MAP4: variants seen among roughly 807,000 people sequenced by gnomAD.
The protein encoded by MAP4 is microtubule-associated protein 4.
In MAP4, 76 loss-of-function variants were observed where a neutral mutation model predicts 170.2. The ratio of observed to expected loss-of-function variants is 0.45; its 90% CI spans 0.37 to 0.54. The LOEUF (loss-of-function observed/expected upper bound fraction) is 0.54. Among genes scored for constraint, MAP4 ranks in the 20% least tolerant of loss-of-function variants. The pLI, the probability that MAP4 is intolerant of heterozygous loss-of-function variation, is 0.00. For synonymous variants in MAP4, 909 were observed against 994.5 expected, an observed-to-expected ratio of 0.91 and a Z score of 1.62; for missense variants, 2,506 against 2,748.0, an observed-to-expected ratio of 0.91 and a Z score of 1.97.
Position 47,916,357 on chromosome 3 carries a change from C to T in MAP4, c.1470G>A (p.Lys490=), listed in dbSNP as rs751519146. Residue 490 remains lysine (K), a synonymous_variant, in exon 7 of 21, where the codon AAG becomes AAA. Coordinates refer to ENST00000683076, the MANE Select transcript of MAP4 (RefSeq NM_001385682.1). ...QLPETEIAPA[K]DVAPSTVKEV... ...CTTTTACTGTGGACGGAGCCACATCCTTGGCCGGGGCTATTTCTGTTTCTG... is the reference window on the plus strand; with the variant it reads ...CTTTTACTGTGGACGGAGCCACATCTTTGGCCGGGGCTATTTCTGTTTCTG... 6.2e-7 allele frequency: 1 copy of T among 1,614,270 alleles called. No homozygotes were observed. The highest frequency in any genetic ancestry group is 1.1e-5 in the South Asian group (1 of 91,086).
chr3:47,936,935 G>A (rs1364273250), intron 3 of MAP4, among the ~76,000 whole-genome samples: 3 of 149,004 alleles, frequency 2.0e-5, no homozygotes, highest in East Asian at 2.0e-4. Flanking sequence ...AGCCAAGATC[G>A]CGCCACTGCA....
intron 17 of MAP4, 144 bp from the exon 18 acceptor site, chr3:47,857,656 C>A: frequency 1.6e-6 from 1 of 643,374 alleles, no homozygotes; most frequent in South Asian, 1.8e-5. Context: ...AAGACAAGGT[C>A]ATCTCCCTAA....
chr3:48,059,997 A>ATC (rs1420123203), intron 1 of MAP4, among the ~76,000 whole-genome samples: 1 of 151,896 alleles, frequency 6.6e-6, no homozygotes, highest in African/African-American at 2.4e-5. Flanking sequence ...ACTTTTGAAC[A>ATC]TCTCTCTCTT....
chr3:47,899,527 TA>T (rs2100028911), intron 10 of MAP4, among the ~76,000 whole-genome samples: 1 of 152,228 alleles, frequency 6.6e-6, no homozygotes, highest in Non-Finnish European at 1.5e-5. Flanking sequence ...CATAATACTC[TA>T]TCTCTTTTTA....
chr3:47,914,465 G>A (rs1490385317), intron 8 of MAP4, among the ~76,000 whole-genome samples: 10 of 151,198 alleles, frequency 6.6e-5, no homozygotes, highest in East Asian at 1.9e-4. Context: ...CAGGAGAATC[G>A]CTTGAACCCA....
At chr3:48,073,673 T>G (rs369266441) in intron 1 of MAP4, among the ~76,000 whole-genome samples, 3 of 149,906 alleles carry the variant, frequency 2.0e-5, no homozygotes, top group East Asian at 3.9e-4. Flanking sequence ...TCTATAAAAA[T>G]CTTTTATTTC....
intron 1 of MAP4, among the ~76,000 whole-genome samples, chr3:48,005,749 C>G (rs1258350693): frequency 1.3e-5 from 2 of 152,196 alleles, no homozygotes; most frequent in Non-Finnish European, 2.9e-5. Flanking sequence ...ATACCCTTGA[C>G]CAATGCCTTG....
intron 1 of MAP4, among the ~76,000 whole-genome samples, chr3:48,065,621 G>C (rs1489484168): frequency 6.6e-6 from 1 of 152,166 alleles, no homozygotes; most frequent in East Asian, 1.9e-4. Context: ...CAAATCAAAA[G>C]AATAAAAAAT....
At chr3:47,975,440 C>A in intron 3 of MAP4, 2 of 1,568,440 alleles carry the variant, frequency 1.3e-6, no homozygotes, top group East Asian at 2.4e-5. Flanking sequence ...TGCAGCAGCC[C>A]CAGTGTTGAG....
At chr3:47,904,226 T>C (rs2153411196) in intron 9 of MAP4, among the ~76,000 whole-genome samples, 1 of 152,248 alleles carries the variant, frequency 6.6e-6, no homozygotes, top group African/African-American at 2.4e-5. Context: ...TCTTTAATAG[T>C]GTTATTTTAT....
chr3:47,917,604 A>G (rs1438286179), intron 6 of MAP4, among the ~76,000 whole-genome samples: 4 of 147,260 alleles, frequency 2.7e-5, no homozygotes, highest in African/African-American at 1.0e-4. Context: ...AAAAAAAAAA[A>G]GAAGAAGAAG....
At chr3:47,897,434 CT>C (rs907613576) in intron 10 of MAP4, among the ~76,000 whole-genome samples, 8 of 151,974 alleles carry the variant, frequency 5.3e-5, no homozygotes, top group African/African-American at 1.9e-4. Context: ...CCCAATGTAT[CT>C]TTTTTGTGAT....
chr3:48,059,374 G>A (rs1240801742), intron 1 of MAP4, among the ~76,000 whole-genome samples: 1 of 151,234 alleles, frequency 6.6e-6, no homozygotes, highest in Non-Finnish European at 1.5e-5. Context: ...AATTAGCCAG[G>A]CATGGTGGCG....
At chr3:47,914,707 C>T (rs2100037677) in intron 8 of MAP4, 110 bp downstream of exon 8, 2 of 1,286,230 alleles carry the variant, frequency 1.6e-6, no homozygotes, top group Non-Finnish European at 1.1e-6. Context: ...ACTTCATAAA[C>T]TATACTGCTG....
At chr3:47,924,489 A>C (rs1325507664) in intron 4 of MAP4, among the ~76,000 whole-genome samples, 5 of 151,918 alleles carry the variant, frequency 3.3e-5, no homozygotes, top group African/African-American at 1.2e-4. Flanking sequence ...TTTGCAAAAA[A>C]CCTTGGAGTC....
chr3:48,044,758 G>A (rs1034392754), intron 1 of MAP4, among the ~76,000 whole-genome samples: 1 of 151,592 alleles, frequency 6.6e-6, no homozygotes, highest in Non-Finnish European at 1.5e-5. Context: ...GTGACACAGT[G>A]AGACTCCATC....
At chr3:48,061,869 C>A (rs977391530) in intron 1 of MAP4, among the ~76,000 whole-genome samples, 2 of 146,546 alleles carry the variant, frequency 1.4e-5, no homozygotes, top group Non-Finnish European at 1.5e-5. Context: ...CCAGCCACCC[C>A]GTCCGGGAGG....
chr3:47,900,500 G>T (rs368567976), intron 10 of MAP4, among the ~76,000 whole-genome samples: 70 of 152,302 alleles, frequency 4.6e-4, no homozygotes, highest in African/African-American at 1.7e-3. Flanking sequence ...AGCACTTTGG[G>T]AGGCTGAGGC....
chr3:47,876,377 C>T (rs752907865), intron 11 of MAP4, among the ~76,000 whole-genome samples: 2 of 151,996 alleles, frequency 1.3e-5, no homozygotes, highest in African/African-American at 4.8e-5. Context: ...GTGATCTGCC[C>T]GCCTCGGCCT....
Sources: allele counts gnomAD v4.1 joint callset (sites outside exome capture counted in the v4.1 genomes callset), GRCh38; gene constraint gnomAD v4.1.1; transcripts MANE v1.5; gene names NCBI Gene and HGNC (gene_info 2026-07-23, HGNC 2026-07-21).